The following AUTS2 variants were observed in gnomAD, a reference collection of about 807,000 sequenced individuals.
AUTS2 encodes the protein activator of transcription and developmental regulator AUTS2.
AUTS2 carries 17 observed loss-of-function variants against 112.4 expected under a neutral mutation model. The ratio of observed to expected loss-of-function variants is 0.15; its 90% CI spans 0.10 to 0.23. The LOEUF is 0.23. Ranked by LOEUF, AUTS2 falls within the 10% of genes least tolerant of loss-of-function variation. AUTS2 has a pLI of 1.00. For synonymous variants in AUTS2, 751 were observed against 702.7 expected, an observed-to-expected ratio of 1.07 and a Z score of -1.09; for missense variants, 1,510 against 1,701.6, an observed-to-expected ratio of 0.89 and a Z score of 1.98.
chr7:70,061,225 A>C (rs1053941296), intron 2 of AUTS2, among the ~76,000 whole-genome samples: 3 of 152,164 alleles, frequency 2.0e-5, no homozygotes, highest in Non-Finnish European at 2.9e-5. Flanking sequence ...CTTTCTGGAA[A>C]TGGTGTGATG....
intron 5 of AUTS2, among the ~76,000 whole-genome samples, chr7:70,695,928 G>T (rs531449712): frequency 1.3e-5 from 2 of 152,196 alleles, no homozygotes; most frequent in African/African-American, 4.8e-5. Context: ...AAATCTTCAA[G>T]TCTGTAGCGG....
chr7:70,689,775 CAAAA>C (rs60869776), intron 5 of AUTS2, among the ~76,000 whole-genome samples: 3 of 74,706 alleles, frequency 4.0e-5, no homozygotes, highest in Non-Finnish European at 5.2e-5. Flanking sequence ...GACTCCGTCT[CAAAA>C]AAAAAAAAAA....
intron 5 of AUTS2, among the ~76,000 whole-genome samples, chr7:70,453,257 C>T (rs1003814326): frequency 5.9e-5 from 9 of 152,178 alleles, no homozygotes; most frequent in African/African-American, 4.8e-5. Flanking sequence ...TTAATGATAG[C>T]GTTGCTGTCT....
At chr7:69,978,896 ACACACGCACACACG>A (rs1030961497) in intron 2 of AUTS2, among the ~76,000 whole-genome samples, 1 of 144,084 alleles carries the variant, frequency 6.9e-6, no homozygotes, top group African/African-American at 2.6e-5. Context: ...ACACACACAC[ACACACGCACACACG>A]CACACACACA....
chr7:69,903,962 A>C (rs1174420357), intron 2 of AUTS2, among the ~76,000 whole-genome samples: 4 of 152,230 alleles, frequency 2.6e-5, no homozygotes, highest in Non-Finnish European at 5.9e-5. Flanking sequence ...TTTGTAGTTG[A>C]CATTGTAAAC....
intron 5 of AUTS2, among the ~76,000 whole-genome samples, chr7:70,530,603 G>A (rs539544066): frequency 1.3e-5 from 2 of 152,292 alleles, no homozygotes; most frequent in Admixed American, 1.3e-4. Flanking sequence ...GATACATTCT[G>A]TGGTTCTCTG....
chr7:69,736,888 G>T (rs1334430540), intron 1 of AUTS2, among the ~76,000 whole-genome samples: 1 of 152,152 alleles, frequency 6.6e-6, no homozygotes, highest in Non-Finnish European at 1.5e-5. Context: ...CACAGGTTTG[G>T]TTCATTTGGC....
At chr7:69,887,960 G>T (rs1003102406) in intron 1 of AUTS2, among the ~76,000 whole-genome samples, 9 of 152,040 alleles carry the variant, frequency 5.9e-5, no homozygotes, top group Non-Finnish European at 1.0e-4. Flanking sequence ...AATAGAAATG[G>T]TTTATCCGGG....
chr7:70,491,625 ATT>A (rs1206515975), intron 5 of AUTS2, among the ~76,000 whole-genome samples: 2 of 104,980 alleles, frequency 1.9e-5, no homozygotes, highest in African/African-American at 7.8e-5. Context: ...GTGTGTGTGT[ATT>A]TTTTTGAGAC....
chr7:70,559,000 T>C (rs74464429), intron 5 of AUTS2, among the ~76,000 whole-genome samples: 2,894 of 152,282 alleles, frequency 0.019, 52 homozygotes, highest in Middle Eastern at 0.072. Flanking sequence ...TCCCCATACG[T>C]TGTGGGAGGG....
At chr7:70,635,925 G>A (rs1443826131) in intron 5 of AUTS2, among the ~76,000 whole-genome samples, 1 of 152,182 alleles carries the variant, frequency 6.6e-6, no homozygotes, top group Non-Finnish European at 1.5e-5. Context: ...TGACATCCAA[G>A]AGGCAGAGAG....
At chr7:70,470,893 C>A (rs892374970) in intron 5 of AUTS2, among the ~76,000 whole-genome samples, 2 of 152,070 alleles carry the variant, frequency 1.3e-5, no homozygotes, top group African/African-American at 2.4e-5. Flanking sequence ...ATCTGACCCG[C>A]GGCAGTGTGT....
intron 2 of AUTS2, among the ~76,000 whole-genome samples, chr7:70,025,138 T>C (rs565410970): frequency 6.6e-6 from 1 of 152,332 alleles, no homozygotes; most frequent in South Asian, 2.1e-4. Flanking sequence ...CTACCAGTAA[T>C]TGGATACCTA....
Position 70,490,841 on chromosome 7 carries a change from C to A in AUTS2, c.690+55060C>A, listed in dbSNP as rs530057207. ...CCTGAGGCCATGATATCATCCTTTC[C>A]ACAGTTTATATGCTTCTGAAAATGG... On this transcript the variant is annotated intron_variant, in intron 5 of 18. Transcript: ENST00000342771. Among the ~76,000 whole-genome samples, 5 of 152,280 alleles carry A rather than the reference C, an allele frequency of 3.3e-5. No homozygotes were observed. In the East Asian group the frequency reaches 9.6e-4, roughly 29 times the overall value.
intron 1 of AUTS2, among the ~76,000 whole-genome samples, chr7:69,845,588 A>G (rs1276442696): frequency 6.6e-6 from 1 of 152,192 alleles, no homozygotes; most frequent in Non-Finnish European, 1.5e-5. Context: ...TGAATCAGAA[A>G]TAAATCAGGA....
intron 2 of AUTS2, among the ~76,000 whole-genome samples, chr7:70,015,694 A>G (rs894473658): frequency 1.3e-5 from 2 of 152,204 alleles, no homozygotes; most frequent in Admixed American, 6.5e-5. Flanking sequence ...TTCTTGAATG[A>G]ATTATCTGTA....
intron 5 of AUTS2, among the ~76,000 whole-genome samples, chr7:70,502,574 T>C (rs1401970671): frequency 1.3e-5 from 2 of 152,150 alleles, no homozygotes; most frequent in African/African-American, 4.8e-5. Flanking sequence ...ATCTCAAGAA[T>C]ATTTTGTGTC....
chr7:69,855,008 C>G (rs1792654857), intron 1 of AUTS2, among the ~76,000 whole-genome samples: 1 of 152,120 alleles, frequency 6.6e-6, no homozygotes, highest in Admixed American at 6.5e-5. Context: ...CTTTTCAATG[C>G]AAATAGAGAC....
chr7:69,972,642 A>G (rs1797892742), intron 2 of AUTS2, among the ~76,000 whole-genome samples: 1 of 151,036 alleles, frequency 6.6e-6, no homozygotes, highest in Non-Finnish European at 1.5e-5. Context: ...AACTTAGGTC[A>G]AAGTTTTTCT....
Sources: allele counts gnomAD v4.1 joint callset (sites outside exome capture counted in the v4.1 genomes callset), GRCh38; gene constraint gnomAD v4.1.1; transcripts MANE v1.5; gene names NCBI Gene and HGNC (gene_info 2026-07-23, HGNC 2026-07-21).